CLIP1: variants seen among roughly 807,000 people sequenced by gnomAD.
CLIP1 encodes CAP-Gly domain-containing linker protein 1.
Under a neutral mutation model 161.6 loss-of-function variants are expected in CLIP1, and 66 were observed. The observed-to-expected ratio is 0.41, with a 90% CI of 0.33 to 0.50. CLIP1 has a LOEUF of 0.50. Ranked by LOEUF, CLIP1 falls within the 20% of genes least tolerant of loss-of-function variation. CLIP1 has a pLI of 0.27. For synonymous variants in CLIP1, 598 were observed against 626.2 expected, an observed-to-expected ratio of 0.96 and a Z score of 0.67; for missense variants, 1,376 against 1,702.0, an observed-to-expected ratio of 0.81 and a Z score of 3.37.
intron 1 of CLIP1, among the ~76,000 whole-genome samples, chr12:122,418,144 A>C (rs1300766676): frequency 6.6e-6 from 1 of 152,072 alleles, no homozygotes; most frequent in Non-Finnish European, 1.5e-5. Flanking sequence ...CTTGAAGGGA[A>C]GTTCCAAGAG....
chr12:122,409,122 T>C (rs940364050), intron 1 of CLIP1, among the ~76,000 whole-genome samples: 1 of 144,430 alleles, frequency 6.9e-6, no homozygotes, highest in Non-Finnish European at 1.5e-5. Context: ...ATAATATTTT[T>C]CTTTTCTTTT....
intron 1 of CLIP1, among the ~76,000 whole-genome samples, chr12:122,405,203 CCCAT>C (rs1956283517): frequency 6.6e-6 from 1 of 152,134 alleles, no homozygotes; most frequent in Non-Finnish European, 1.5e-5. Flanking sequence ...CCTGTGTAAT[CCCAT>C]GAGACGTTCT....
In CLIP1 at chr12:122,278,547, C is replaced by T. The variant is rs529082713; in HGVS notation, c.3916+245G>A. On this transcript the variant is annotated intron_variant, in intron 23 of 25. Transcript: ENST00000620786. The stretch of plus-strand genomic sequence containing the variant: ...CACTGTTATGTACTTTAAGACCCCC[C>T]AGTCTGGATGGCAGCAGGCAGCCAT... The T allele has an allele frequency of 3.1e-5, 16 of 520,830 alleles. No homozygotes were observed. In the South Asian group the frequency reaches 5.3e-4, roughly 17 times the overall value. 32.3% of individuals were successfully genotyped at this position (520,830 alleles called of 1,614,324 possible).
At chr12:122,317,099 C>G (rs200757339) in intron 18 of CLIP1, among the ~76,000 whole-genome samples, 1 of 152,196 alleles carries the variant, frequency 6.6e-6, no homozygotes, top group East Asian at 1.9e-4. Flanking sequence ...AACTAGATTG[C>G]TACACAGAAG....
chr12:122,324,589 G>C (rs1268012158), intron 17 of CLIP1, among the ~76,000 whole-genome samples: 1 of 152,190 alleles, frequency 6.6e-6, no homozygotes, highest in Non-Finnish European at 1.5e-5. Flanking sequence ...AAGTGCTTCT[G>C]TATCTGTTAG....
intron 9 of CLIP1, among the ~76,000 whole-genome samples, chr12:122,348,466 G>GCTCAA (rs1203186618): frequency 1.3e-5 from 2 of 152,188 alleles, no homozygotes; most frequent in Non-Finnish European, 2.9e-5. Context: ...CTCTCAAAAA[G>GCTCAA]AGCTGGTGGG....
At chr12:122,333,280 C>T in intron 14 of CLIP1, 137 bp from the exon 15 acceptor site, 1 of 647,334 alleles carries the variant, frequency 1.5e-6, no homozygotes, top group South Asian at 2.1e-5. Context: ...GAAGAAGGCA[C>T]ACAATAAGCA....
Position 122,334,073 on chromosome 12 carries a change from A to T in CLIP1, c.2664T>A (p.Phe888Leu). The change falls in exon 14 of 26, where the codon TTT becomes TTA. Residue 888 changes from phenylalanine to leucine, a missense_variant. Physicochemically the swap from Phe to Leu is conservative, Grantham distance 22. Coordinates refer to ENST00000620786, the MANE Select transcript of CLIP1 (RefSeq NM_001247997.2). ...TCTCCAAGTCAGAAGACAGCATGTT[A>T]AACTGTTCCTCCTTTTGGTGTAACT... The part of the protein sequence containing the change: ...VNKLHQKEEQ[F>L]NMLSSDLEKL... The T allele has an allele frequency of 6.2e-7, 1 of 1,613,194 alleles. No homozygotes were observed. Among genetic ancestry groups the T allele is most frequent in the Non-Finnish European group, 8.5e-7 (1 of 1,179,164 alleles).
intron 15 of CLIP1, among the ~76,000 whole-genome samples, chr12:122,330,889 C>T (rs1167531385): frequency 6.6e-6 from 1 of 151,832 alleles, no homozygotes; most frequent in African/African-American, 2.4e-5. Context: ...GCCTGAGCCA[C>T]CACGCCCGGC....
In CLIP1 at chr12:122,361,052, G is replaced by A. The variant is rs772298895; in HGVS notation, c.912C>T (p.Ser304=). The A allele has an allele frequency of 6.2e-7, 1 of 1,614,254 alleles. No individual in the cohort carries two copies. The highest frequency in any genetic ancestry group is 1.1e-5 in the South Asian group (1 of 91,082). The change falls in exon 5 of 26, where the codon TCC becomes TCT. Residue 304 remains serine (S), a synonymous_variant. Transcript: ENST00000620786. ...NAVRRVMATT[S]ASLKRSPSAS... is the part of the protein sequence containing the mutation. ...CAGAAGGGCTGCGCTTCAGGCTGGC[G>A]GACGTGGTCGCCATCACTCGCCTCA...
intron 20 of CLIP1, among the ~76,000 whole-genome samples, chr12:122,299,537 A>T (rs1566090742): frequency 1.4e-5 from 2 of 146,366 alleles, no homozygotes; most frequent in Admixed American, 7.0e-5. Context: ...TGCAGATATA[A>T]TTTTTTTAAA....
chr12:122,333,089 G>C lies in CLIP1; in HGVS notation c.2765C>G (p.Ala922Gly). 1.2e-6 allele frequency: 2 copies of C among 1,613,162 alleles called. No individual in the cohort carries two copies. The highest frequency in any genetic ancestry group is 1.7e-6 in the Non-Finnish European group (2 of 1,179,482). The part of the protein sequence containing the change: ...KDEREEQLIK[A>G]KEKLENDIAE... Reference sequence around the variant, plus strand: ...AATGTCATTTTCCAGTTTTTCCTTTGCCTTTATCAGCTGCTCTTCTCTCTC... The same window carrying C: ...AATGTCATTTTCCAGTTTTTCCTTTCCCTTTATCAGCTGCTCTTCTCTCTC... Residue 922 changes from alanine (A) to glycine (G), a missense_variant, in exon 15 of 26, where the codon GCA (alanine) becomes GGA (glycine). Physicochemically the swap from Ala to Gly is moderately conservative, Grantham distance 60 (BLOSUM62 0). Coordinates refer to ENST00000620786, the MANE Select transcript of CLIP1 (RefSeq NM_001247997.2).
intron 20 of CLIP1, among the ~76,000 whole-genome samples, chr12:122,301,514 A>G (rs995044443): frequency 5.9e-5 from 9 of 152,290 alleles, no homozygotes; most frequent in African/African-American, 2.2e-4. Context: ...TCTCTACTAA[A>G]AATACAAAAA....
intron 24 of CLIP1, chr12:122,275,273 A>C (rs972204924): frequency 6.6e-6 from 1 of 152,160 alleles, no homozygotes; most frequent in Non-Finnish European, 1.5e-5. Context: ...TCATAATCTT[A>C]TATTTCTGAA....
intron 20 of CLIP1, among the ~76,000 whole-genome samples, chr12:122,301,638 C>T (rs1950682725): frequency 6.6e-6 from 1 of 152,212 alleles, no homozygotes; most frequent in African/African-American, 2.4e-5. Flanking sequence ...TGCAGCACTG[C>T]ACTCCAGCCT....
chr12:122,352,827 T>G (rs764876566), intron 7 of CLIP1, 41 bp from the exon 8 acceptor site: 1 of 1,509,552 alleles, frequency 6.6e-7, no homozygotes. Context: ...AGAAACTAAG[T>G]AACACACAGC....
intron 20 of CLIP1, among the ~76,000 whole-genome samples, chr12:122,307,606 T>C (rs897052710): frequency 1.3e-5 from 2 of 152,214 alleles, no homozygotes; most frequent in Non-Finnish European, 2.9e-5. Flanking sequence ...CTGTAATACA[T>C]TTCTAACACA....
intron 10 of CLIP1, 58 bp downstream of exon 10, chr12:122,347,317 T>C: frequency 1.6e-6 from 2 of 1,266,306 alleles, no homozygotes; most frequent in South Asian, 1.2e-5. Context: ...GCATGTCACC[T>C]GAGGTGTCCA....
Position 122,278,157 on chromosome 12 carries a change from A to T in CLIP1, c.3963T>A (p.Ser1321Arg). 6.2e-7 allele frequency: 1 copy of T among 1,604,402 alleles called. No homozygotes were observed. Among genetic ancestry groups the T allele is most frequent in the Non-Finnish European group, 8.5e-7 (1 of 1,178,492 alleles). ...AGCAATAAGGCAGGAACATTACCTGACTCTCCTGGGCTCTTTCATCCTCGT... is the reference window on the plus strand; with the variant it reads ...AGCAATAAGGCAGGAACATTACCTGTCTCTCCTGGGCTCTTTCATCCTCGT... Reference protein sequence around the residue: ...QADEDERAQESQIDFLNSVIV... With the variant: ...QADEDERAQERQIDFLNSVIV... Residue 1321 changes from serine to arginine, a missense_variant, in exon 24 of 26, where the codon AGT becomes AGA. This residue lies in a region of CLIP1 where 948 missense variants were observed against 1,134.8 expected (regional missense o/e 0.84). Transcript: ENST00000620786.
Sources: allele counts gnomAD v4.1 joint callset (sites outside exome capture counted in the v4.1 genomes callset), GRCh38; gene constraint gnomAD v4.1.1; regional missense constraint gnomAD v4.1.1; transcripts MANE v1.5; gene names NCBI Gene and HGNC (gene_info 2026-07-23, HGNC 2026-07-21).